Variants in PLEKHA7 observed in about 807,000 individuals in gnomAD.
PLEKHA7 encodes the protein pleckstrin homology domain-containing family A member 7.
In PLEKHA7, 104 loss-of-function variants were observed where a neutral mutation model predicts 170.0. The observed-to-expected ratio is 0.61, with a 90% CI of 0.52 to 0.72. The LOEUF (loss-of-function observed/expected upper bound fraction) is 0.72. Ranked by LOEUF, PLEKHA7 falls within the 30% of genes least tolerant of loss-of-function variation. The pLI is 0.00. For synonymous variants in PLEKHA7, 648 were observed against 660.8 expected (o/e 0.98, Z 0.30); for missense variants, 1,615 against 1,671.7 (o/e 0.97, Z 0.59).
chr11:16,799,551 ACTG>A (rs748705157), intron 17 of PLEKHA7, among the ~76,000 whole-genome samples: 48 of 152,242 alleles, frequency 3.2e-4, no homozygotes, highest in Non-Finnish European at 6.3e-4. Context: ...TAAAAAAATT[ACTG>A]CTAAAAATAA....
chr11:16,998,416 A>G (rs1328652393), intron 3 of PLEKHA7, among the ~76,000 whole-genome samples: 2 of 152,184 alleles, frequency 1.3e-5, no homozygotes, highest in African/African-American at 4.8e-5. Flanking sequence ...AGATTACCCC[A>G]CAATTCTTAC....
intron 10 of PLEKHA7, among the ~76,000 whole-genome samples, chr11:16,819,351 GC>G (rs1850034859): frequency 6.6e-6 from 1 of 152,162 alleles, no homozygotes; most frequent in African/African-American, 2.4e-5. Flanking sequence ...GCCCCCCTCA[GC>G]CTACCAAAGT....
At chr11:16,914,958 T>G (rs1858528210) in intron 3 of PLEKHA7, among the ~76,000 whole-genome samples, 1 of 152,092 alleles carries the variant, frequency 6.6e-6, no homozygotes, top group Non-Finnish European at 1.5e-5. Context: ...AGGCCACACC[T>G]CTCTCTCCTA....
In PLEKHA7 at chr11:16,826,152, G is replaced by A. The variant is rs769236303; in HGVS notation, c.1311C>T (p.His437=). 3 of 1,614,218 alleles carry A rather than the reference G, an allele frequency of 1.9e-6. No homozygotes were observed. The highest frequency in any genetic ancestry group is 8.5e-7 in the Non-Finnish European group (1 of 1,180,040). Residue 437 remains histidine, a synonymous_variant, in exon 10 of 27, where the codon CAC becomes CAT. Transcript: ENST00000531066. ...TATCCCCTTTCTGGGCCCTTGCCCA[G>A]TGCTCCACCTGGGCCAGATTGCTCT... ...QRKSNLAQVE[H]WARAQKGDSR...
chr11:16,994,085 C>T (rs756296344), intron 3 of PLEKHA7, among the ~76,000 whole-genome samples: 6 of 152,352 alleles, frequency 3.9e-5, no homozygotes, highest in African/African-American at 7.2e-5. Context: ...CTTGAATTCA[C>T]GGTCTTTCCC....
At chr11:16,968,968 G>A (rs1208221214) in intron 3 of PLEKHA7, among the ~76,000 whole-genome samples, 2 of 152,160 alleles carry the variant, frequency 1.3e-5, no homozygotes, top group East Asian at 3.8e-4. Flanking sequence ...TCCATTTAGG[G>A]CCTCAGTAAA....
chr11:16,951,812 A>T (rs1861423452), intron 3 of PLEKHA7, among the ~76,000 whole-genome samples: 1 of 152,254 alleles, frequency 6.6e-6, no homozygotes, highest in African/African-American at 2.4e-5. Context: ...AAGGGATGAG[A>T]CTGGATGATA....
intron 17 of PLEKHA7, among the ~76,000 whole-genome samples, chr11:16,798,846 C>A (rs536256035): frequency 4.6e-4 from 70 of 152,274 alleles, no homozygotes; most frequent in Middle Eastern, 3.4e-3. Flanking sequence ...AAGGCAGTTA[C>A]ACAAATCCTT....
At chr11:16,986,814 G>C (rs1242098385) in intron 3 of PLEKHA7, among the ~76,000 whole-genome samples, 1 of 152,180 alleles carries the variant, frequency 6.6e-6, no homozygotes, top group Non-Finnish European at 1.5e-5. Flanking sequence ...ATAAGTATCA[G>C]CTCTGCATAG....
chr11:16,820,572 G>A (rs1261710957), intron 10 of PLEKHA7, among the ~76,000 whole-genome samples: 62 of 152,154 alleles, frequency 4.1e-4, no homozygotes, highest in Non-Finnish European at 1.0e-4. Context: ...CAGAAACCAG[G>A]CTGGAGGCTT....
chr11:16,970,415 T>C (rs1862636597), intron 3 of PLEKHA7, among the ~76,000 whole-genome samples: 1 of 152,114 alleles, frequency 6.6e-6, no homozygotes. Flanking sequence ...TCCCAGCACT[T>C]TGGAAGGCTG....
At chr11:16,921,789 G>A (rs989459079) in intron 3 of PLEKHA7, among the ~76,000 whole-genome samples, 48 of 152,202 alleles carry the variant, frequency 3.2e-4, no homozygotes, top group African/African-American at 1.1e-3. Flanking sequence ...CATTACAGTT[G>A]AGCATACGTT....
chr11:16,837,421 C>T (rs1467969744), intron 9 of PLEKHA7, among the ~76,000 whole-genome samples: 2 of 152,160 alleles, frequency 1.3e-5, no homozygotes, highest in African/African-American at 4.8e-5. Flanking sequence ...TCTCATCTAG[C>T]ATCCTAGTCA....
At chr11:16,889,420 A>AATATATATATATATATAT (rs1554964151) in intron 3 of PLEKHA7, among the ~76,000 whole-genome samples, 2 of 74,686 alleles carry the variant, frequency 2.7e-5, no homozygotes, top group African/African-American at 1.3e-4. Flanking sequence ...AAAAAAAAAA[A>AATATATATATATATATAT]ATATATATAT....
chr11:16,822,029 T>C (rs1850258362), intron 10 of PLEKHA7, among the ~76,000 whole-genome samples: 1 of 150,122 alleles, frequency 6.7e-6, no homozygotes, highest in South Asian at 2.1e-4. Flanking sequence ...GAAAGTCCTA[T>C]GCCCTCCCCA....
chr11:16,884,636 AAAAAGAAAAG>A (rs138263255), intron 3 of PLEKHA7, among the ~76,000 whole-genome samples: 49,800 of 148,326 alleles, frequency 0.34, 8,716 homozygotes, highest in Non-Finnish European at 0.41. Flanking sequence ...CTATGTTTAA[AAAAAGAAAAG>A]AAAAGAAAAG....
chr11:16,907,115 G>C lies in PLEKHA7; in HGVS notation c.222-35933C>G, dbSNP rs917428071. The stretch of plus-strand genomic sequence containing the variant: ...AGCCACCCTGTCTGGGAGGGAGGTG[G>C]GGGTCAGCCCCCCGCCCGGCCAGCC... On this transcript the variant is annotated intron_variant, in intron 3 of 26. Coordinates refer to ENST00000531066, the MANE Select transcript of PLEKHA7 (RefSeq NM_001329630.2). Among the ~76,000 whole-genome samples, 17 of 105,136 alleles carry C rather than the reference G, an allele frequency of 1.6e-4. 1 individual carries two copies. The highest frequency in any genetic ancestry group is 6.5e-4 in the African/African-American group (17 of 26,056). 69.0% of individuals were successfully genotyped at this position (105,136 alleles called of 152,430 possible).
chr11:16,984,392 C>T (rs1863608526), intron 3 of PLEKHA7, among the ~76,000 whole-genome samples: 1 of 152,054 alleles, frequency 6.6e-6, no homozygotes. Context: ...CAAAGCCTTC[C>T]ATTGTTCAAA....
At chr11:16,800,920 A>C in intron 17 of PLEKHA7, 54 bp downstream of exon 17, 1 of 1,515,368 alleles carries the variant, frequency 6.6e-7, no homozygotes, top group Non-Finnish European at 9.1e-7. Context: ...GGAAAAACAA[A>C]AAACAAAAAA....
Sources: gnomAD v4.1 joint callset for allele counts (sites outside exome capture counted in the v4.1 genomes callset) on GRCh38, gnomAD v4.1.1 for gene constraint, MANE v1.5 for transcripts, NCBI Gene and HGNC (gene_info 2026-07-23, HGNC 2026-07-21) for gene names.